Variants in MGAT4D observed in about 807,000 individuals in gnomAD.
The protein encoded by MGAT4D is MGAT4 family member D.
MGAT4D carries 34 observed loss-of-function variants against 15.9 expected under a neutral mutation model. That is an observed-to-expected ratio of 2.14 (90% CI 1.62 to 2.84). The LOEUF (loss-of-function observed/expected upper bound fraction) is 2.84. MGAT4D is among the 30% of genes most tolerant of loss of function. The pLI, the probability that MGAT4D is intolerant of heterozygous loss-of-function variation, is 0.00. For missense variants in MGAT4D, 327 were observed against 140.2 expected (o/e 2.33, Z -6.73); for synonymous variants, 112 against 48.2 (o/e 2.33, Z -5.49).
chr4:140,465,878 T>C (rs981302398), intron 5 of MGAT4D, among the ~76,000 whole-genome samples: 2 of 152,200 alleles, frequency 1.3e-5, no homozygotes, highest in African/African-American at 4.8e-5. Context: ...AACAACACTG[T>C]AGTCATGATA....
At chr4:140,448,762 G>A (rs1166242565) in intron 10 of MGAT4D, among the ~76,000 whole-genome samples, 1 of 152,192 alleles carries the variant, frequency 6.6e-6, no homozygotes, top group Non-Finnish European at 1.5e-5. Flanking sequence ...TCATTTGCAG[G>A]ACAGAAGACA....
intron 8 of MGAT4D, chr4:140,459,175 T>C (rs1168383569): frequency 6.4e-6 from 1 of 155,452 alleles, no homozygotes; most frequent in Non-Finnish European, 1.4e-5. Context: ...TGAGTTTCAG[T>C]ATTCTTGTAA....
chr4:140,476,365 T>C (rs1227974889), intron 3 of MGAT4D, among the ~76,000 whole-genome samples: 1 of 152,204 alleles, frequency 6.6e-6, no homozygotes, highest in Non-Finnish European at 1.5e-5. Context: ...ATTTTCTTTG[T>C]TGTTTGGGTT....
intron 3 of MGAT4D, among the ~76,000 whole-genome samples, chr4:140,477,803 C>T (rs6836119): frequency 0.087 from 13,169 of 152,150 alleles, 575 homozygotes; most frequent in South Asian, 0.11. Flanking sequence ...AACATATCTT[C>T]GAGGAAAGTA....
At chr4:140,466,533 AT>A (rs1731542738) in intron 5 of MGAT4D, among the ~76,000 whole-genome samples, 1 of 152,182 alleles carries the variant, frequency 6.6e-6, no homozygotes, top group South Asian at 2.1e-4. Context: ...ATTACTCTTG[AT>A]AAAATTTTTA....
At chr4:140,454,019 T>C (rs952778189) in intron 9 of MGAT4D, among the ~76,000 whole-genome samples, 1 of 151,922 alleles carries the variant, frequency 6.6e-6, no homozygotes, top group South Asian at 2.1e-4. Flanking sequence ...TGTATGTGTG[T>C]GTGTGTGTGT....
At chr4:140,453,067 G>T (rs1730573484) in intron 9 of MGAT4D, among the ~76,000 whole-genome samples, 1 of 152,000 alleles carries the variant, frequency 6.6e-6, no homozygotes, top group Non-Finnish European at 1.5e-5. Context: ...TATTTTGTGG[G>T]CCTATTTCTG....
intron 5 of MGAT4D, among the ~76,000 whole-genome samples, chr4:140,470,454 G>C (rs1731850379): frequency 6.6e-6 from 1 of 152,192 alleles, no homozygotes; most frequent in African/African-American, 2.4e-5. Context: ...ACAAAACACG[G>C]CCTGTCAGCC....
chr4:140,448,803 T>C (rs1276058439), intron 10 of MGAT4D, among the ~76,000 whole-genome samples: 2 of 152,264 alleles, frequency 1.3e-5, no homozygotes, highest in African/African-American at 4.8e-5. Context: ...GGAGTTCTTG[T>C]GCTGATCCTT....
chr4:140,451,273 T>C (rs1730456398), intron 10 of MGAT4D, 137 bp downstream of exon 10: 8 of 376,414 alleles, frequency 2.1e-5, no homozygotes, highest in Middle Eastern at 6.9e-4. Context: ...CTTCACAACA[T>C]ACAGTACTGT....
At chr4:140,446,772 T>A (rs965921375) in intron 10 of MGAT4D, among the ~76,000 whole-genome samples, 25 of 115,036 alleles carry the variant, frequency 2.2e-4, no homozygotes, top group Non-Finnish European at 4.0e-4. Flanking sequence ...TTTTTTTTTT[T>A]TTTTTTTTTT....
chr4:140,466,711 T>C (rs182432582), intron 5 of MGAT4D, among the ~76,000 whole-genome samples: 4 of 152,122 alleles, frequency 2.6e-5, no homozygotes, highest in African/African-American at 7.2e-5. Context: ...TTTCCCATTG[T>C]TTGTTAATAT....
chr4:140,445,538 A>C (rs756291320), intron 10 of MGAT4D, among the ~76,000 whole-genome samples: 20 of 152,060 alleles, frequency 1.3e-4, no homozygotes, highest in Non-Finnish European at 1.2e-4. Context: ...GTTTAATTAG[A>C]TCTATTTGTC....
chr4:140,455,279 A>C (rs1188663788), intron 9 of MGAT4D, among the ~76,000 whole-genome samples: 1 of 152,120 alleles, frequency 6.6e-6, no homozygotes, highest in African/African-American at 2.4e-5. Flanking sequence ...CTGTATTTTC[A>C]TTCATTTCAA....
In MGAT4D at chr4:140,498,183, C is replaced by A. The variant is rs747852253; in HGVS notation, c.40G>T (p.Ala14Ser). 1.4e-6 allele frequency: 1 copy of A among 702,670 alleles called. No homozygotes were observed. Among genetic ancestry groups the A allele is most frequent in the South Asian group, 1.5e-5 (1 of 67,590 alleles). The allele number at this position is 702,670 out of a possible 1,614,324, so 43.5% of individuals were successfully genotyped here. ...KQVNLLITLV[A>S]VALFSFSCFS... ...CAAGAGAAGCTGAACAACGCGACGG[C>A]GACCAGGGTGATCAGCAAGTTCACC... The change falls in exon 1 of 11, where the codon GCC becomes TCC. Residue 14 changes from alanine to serine, a missense_variant. Transcript: ENST00000511113.
At chr4:140,498,028 CCGCAT>C (rs1326704015) in intron 1 of MGAT4D, 96 bp downstream of exon 1, 5 of 561,864 alleles carry the variant, frequency 8.9e-6, no homozygotes, top group Non-Finnish European at 1.6e-5. Flanking sequence ...CGCCAGCTTC[CCGCAT>C]CGCCTCCGCA....
chr4:140,473,613 C>T (rs1322868780), intron 4 of MGAT4D, among the ~76,000 whole-genome samples: 2 of 152,202 alleles, frequency 1.3e-5, no homozygotes, highest in African/African-American at 2.4e-5. Flanking sequence ...GAGAAGCTGA[C>T]ATTTTAACCT....
At chr4:140,457,115 C>A (rs868348906) in intron 8 of MGAT4D, 1 of 151,942 alleles carries the variant, frequency 6.6e-6, no homozygotes, top group African/African-American at 2.4e-5. Flanking sequence ...CTACATTTTT[C>A]GTTGTTAGTA....
intron 1 of MGAT4D, among the ~76,000 whole-genome samples, chr4:140,487,180 T>G (rs1237821227): frequency 6.6e-6 from 1 of 152,256 alleles, no homozygotes; most frequent in Non-Finnish European, 1.5e-5. Context: ...ATATTGAAAT[T>G]ACTTGCATAT....
Sources: gnomAD v4.1 joint callset for allele counts (sites outside exome capture counted in the v4.1 genomes callset) on GRCh38, gnomAD v4.1.1 for gene constraint, MANE v1.5 for transcripts, NCBI Gene and HGNC (gene_info 2026-07-23, HGNC 2026-07-21) for gene names.